The following C1orf141 variants were observed in gnomAD, a reference collection of about 807,000 sequenced individuals.
C1orf141 encodes chromosome 1 open reading frame 141.
Under a neutral mutation model 23.2 loss-of-function variants are expected in C1orf141, and 19 were observed. The observed-to-expected ratio is 0.82, with a 90% confidence interval of 0.57 to 1.20. The LOEUF (loss-of-function observed/expected upper bound fraction) is 1.20. Ranked by LOEUF, C1orf141 falls within the 50% of genes most tolerant of loss-of-function variation. The probability of loss-of-function intolerance (pLI) is 0.00; values close to 1 mark genes in which losing one functional copy is unlikely to be tolerated. For synonymous variants in C1orf141, 153 were observed against 154.6 expected (o/e 0.99, Z 0.08); for missense variants, 469 against 455.1 (o/e 1.03, Z -0.28).
intron 1 of C1orf141, among the ~76,000 whole-genome samples, chr1:67,134,624 T>TG (rs1224244414): frequency 6.6e-6 from 1 of 152,062 alleles, no homozygotes; most frequent in Admixed American, 6.5e-5. Flanking sequence ...TCTATGCCTA[T>TG]GGTCGTTTCA....
At chr1:67,093,824 A>C in intron 7 of C1orf141, 1 of 302,058 alleles carries the variant, frequency 3.3e-6, no homozygotes, top group Non-Finnish European at 5.9e-6. Flanking sequence ...TTAGTGATAA[A>C]ACTTGAACTT....
At chr1:67,103,700 G>A (rs1008700309) in intron 5 of C1orf141, among the ~76,000 whole-genome samples, 6 of 151,910 alleles carry the variant, frequency 3.9e-5, no homozygotes, top group African/African-American at 1.5e-4. Flanking sequence ...TCTAAGTTCA[G>A]GGGAAGTCTA....
chr1:67,092,997 A>G lies in C1orf141; in HGVS notation c.*8T>C, dbSNP rs879258384. 3.2e-6 allele frequency: 5 copies of G among 1,565,036 alleles called. No homozygotes were observed. The African/African-American group carries it at 5.5e-5, about 17-fold the overall frequency. Reference sequence around the variant, plus strand: ...TTGTTACTCAAATATTGCTGCATACATAATATTTTATGAGGCATTTAAAAT... The same window carrying G: ...TTGTTACTCAAATATTGCTGCATACGTAATATTTTATGAGGCATTTAAAAT... On this transcript the variant is annotated 3_prime_UTR_variant, in exon 8 of 8. Transcript: ENST00000684719.
At chr1:67,101,856 A>G (rs1334840111) in intron 5 of C1orf141, among the ~76,000 whole-genome samples, 1 of 152,144 alleles carries the variant, frequency 6.6e-6, no homozygotes, top group East Asian at 1.9e-4. Context: ...TTGCTGAACT[A>G]ATAGAACATC....
intron 5 of C1orf141, among the ~76,000 whole-genome samples, chr1:67,114,928 G>T (rs546465772): frequency 6.6e-6 from 1 of 152,166 alleles, no homozygotes; most frequent in Non-Finnish European, 1.5e-5. Flanking sequence ...CACCCGCCTC[G>T]GCCTCCCAAA....
intron 4 of C1orf141, among the ~76,000 whole-genome samples, chr1:67,117,303 G>A (rs1205899123): frequency 6.6e-6 from 1 of 152,104 alleles, no homozygotes; most frequent in African/African-American, 2.4e-5. Flanking sequence ...TGTGCCTCTA[G>A]TCCCAGCTAC....
chr1:67,095,676 G>T (rs113767309), intron 6 of C1orf141: 1 of 331,808 alleles, frequency 3.0e-6, no homozygotes. Flanking sequence ...TTATTACGTA[G>T]GTTGAGGAGA....
intron 5 of C1orf141, among the ~76,000 whole-genome samples, chr1:67,110,442 T>C (rs1233752884): frequency 2.0e-5 from 3 of 152,120 alleles, no homozygotes; most frequent in Non-Finnish European, 4.4e-5. Flanking sequence ...ATGTTTAAAG[T>C]TGATAAATTA....
Position 67,092,962 on chromosome 1 carries a change from T to C in C1orf141, c.*43A>G, listed in dbSNP as rs1237933043. ...TTCTTTTATAATTTTGGAACTTGGATATTTGCTTCTTGTTACTCAAATATT... is the reference window on the plus strand; with the variant it reads ...TTCTTTTATAATTTTGGAACTTGGACATTTGCTTCTTGTTACTCAAATATT... On this transcript the variant is annotated 3_prime_UTR_variant, in exon 8 of 8. Coordinates refer to ENST00000684719, the MANE Select transcript of C1orf141 (RefSeq NM_001276351.2). 3 of 1,463,178 alleles carry C rather than the reference T, an allele frequency of 2.1e-6. No homozygotes were observed. In the African/African-American group the frequency reaches 4.3e-5, roughly 21 times the overall value. The allele number at this position is 1,463,178 out of a possible 1,614,324, so 90.6% of individuals were successfully genotyped here.
intron 5 of C1orf141, among the ~76,000 whole-genome samples, chr1:67,115,151 C>T (rs1019198088): frequency 6.6e-6 from 1 of 152,184 alleles, no homozygotes; most frequent in African/African-American, 2.4e-5. Flanking sequence ...AAATATATTC[C>T]TATTTTGTGA....
At chr1:67,132,466 T>C (rs1009162106) in intron 1 of C1orf141, among the ~76,000 whole-genome samples, 2 of 151,752 alleles carry the variant, frequency 1.3e-5, no homozygotes, top group African/African-American at 2.4e-5. Context: ...GAGGTTGCAG[T>C]GAGGTGTGAT....
chr1:67,100,265 A>G lies in C1orf141; in HGVS notation c.347-3944T>C, dbSNP rs145841929. On this transcript the variant is annotated intron_variant, in intron 5 of 7. Transcript: ENST00000684719. ...ACCTGTTTTCTTCCCTCAAAATACT[A>G]TCTTGTCTAATGTGGTCATATTTTT... Among the ~76,000 whole-genome samples, 99 of 152,232 alleles carry G rather than the reference A, an allele frequency of 6.5e-4. 3 individuals carry two copies. In the East Asian group the frequency reaches 0.018, roughly 27 times the overall value.
chr1:67,092,909 A>G lies in C1orf141; in HGVS notation c.*96T>C, dbSNP rs988812950. 1 of 961,236 alleles carries G rather than the reference A, an allele frequency of 1.0e-6. No homozygotes were observed. The highest frequency in any genetic ancestry group is 1.5e-6 in the Non-Finnish European group (1 of 646,446). 59.5% of individuals were successfully genotyped at this position (961,236 alleles called of 1,614,324 possible). A position where few individuals can be genotyped will look rare whatever the true frequency, so the allele number is the denominator to read the frequency against. On this transcript the variant is annotated 3_prime_UTR_variant, in exon 8 of 8. Coordinates refer to ENST00000684719, the MANE Select transcript of C1orf141 (RefSeq NM_001276351.2). ...TATGCTTTGCTTTCTTATATGATCA[A>G]TTAGAACATTACTATTTGGATAAGA...
chr1:67,135,365 G>A (rs1469991921), upstream of C1orf141, among the ~76,000 whole-genome samples: 4 of 152,082 alleles, frequency 2.6e-5, no homozygotes, highest in Non-Finnish European at 5.9e-5. Flanking sequence ...AATATTTGAT[G>A]GAAGATTGCT....
intron 5 of C1orf141, among the ~76,000 whole-genome samples, chr1:67,106,124 G>A (rs1645921613): frequency 6.6e-6 from 1 of 152,188 alleles, no homozygotes; most frequent in South Asian, 2.1e-4. Flanking sequence ...TGTATTCTGA[G>A]TACAATCAAG....
chr1:67,132,158 G>A (rs970623855), intron 1 of C1orf141, among the ~76,000 whole-genome samples: 2 of 151,184 alleles, frequency 1.3e-5, no homozygotes, highest in African/African-American at 4.9e-5. Context: ...CTGGCCTCAA[G>A]CAATCCTCCA....
chr1:67,114,595 G>A (rs1269503626), intron 5 of C1orf141, among the ~76,000 whole-genome samples: 2 of 152,196 alleles, frequency 1.3e-5, no homozygotes, highest in Non-Finnish European at 2.9e-5. Context: ...ATAATGGAGA[G>A]AAAGAGAAAA....
chr1:67,100,390 T>C (rs1645771010), intron 5 of C1orf141, among the ~76,000 whole-genome samples: 1 of 152,224 alleles, frequency 6.6e-6, no homozygotes, highest in African/African-American at 2.4e-5. Context: ...GCTTTTAATA[T>C]AATTTTAAGT....
At chr1:67,122,698 T>G (rs551583540) in intron 4 of C1orf141, 11 of 152,340 alleles carry the variant, frequency 7.2e-5, no homozygotes, top group African/African-American at 2.6e-4. Flanking sequence ...GTTCATCCAT[T>G]ATTACACCCA....
Sources: allele counts gnomAD v4.1 joint callset (sites outside exome capture counted in the v4.1 genomes callset), GRCh38; gene constraint gnomAD v4.1.1; transcripts MANE v1.5; gene names NCBI Gene and HGNC (gene_info 2026-07-23, HGNC 2026-07-21).